Variants in ATRNL1 observed in about 807,000 individuals in gnomAD.
ATRNL1 encodes attractin-like protein 1.
Under a neutral mutation model 182.7 loss-of-function variants are expected in ATRNL1, and 95 were observed. That is an observed-to-expected ratio of 0.52 (90% CI 0.44 to 0.62). ATRNL1 has a LOEUF of 0.62. ATRNL1 is among the 20% of genes least tolerant of loss of function. The pLI is 0.00. For synonymous variants in ATRNL1, 576 were observed against 568.3 expected (o/e 1.01, Z -0.19); for missense variants, 1,471 against 1,679.5 (o/e 0.88, Z 2.17).
intron 27 of ATRNL1, among the ~76,000 whole-genome samples, chr10:115,731,825 C>T (rs1947807504): frequency 6.7e-6 from 1 of 149,450 alleles, no homozygotes; most frequent in Non-Finnish European, 1.5e-5. Flanking sequence ...CCCCCCACCC[C>T]ACACCCATCT....
chr10:115,232,507 A>G (rs1179603732), intron 9 of ATRNL1, among the ~76,000 whole-genome samples: 1 of 152,092 alleles, frequency 6.6e-6, no homozygotes, highest in African/African-American at 2.4e-5. Flanking sequence ...ATTGTGGATC[A>G]TCTTTTTACT....
chr10:115,254,166 G>A (rs1851011090), intron 10 of ATRNL1, among the ~76,000 whole-genome samples: 1 of 152,152 alleles, frequency 6.6e-6, no homozygotes, highest in South Asian at 2.1e-4. Context: ...TGGGATTGCT[G>A]GGTCAAATGG....
intron 26 of ATRNL1, among the ~76,000 whole-genome samples, chr10:115,697,717 A>T (rs1946608836): frequency 6.6e-6 from 1 of 152,098 alleles, no homozygotes; most frequent in African/African-American, 2.4e-5. Flanking sequence ...GACATGTATG[A>T]TATGCTATTT....
chr10:115,195,090 G>T (rs997943048), intron 8 of ATRNL1, among the ~76,000 whole-genome samples: 2 of 151,780 alleles, frequency 1.3e-5, no homozygotes, highest in Non-Finnish European at 2.9e-5. Flanking sequence ...TTTTAGTTTT[G>T]ATTGGTTTGT....
At chr10:115,533,890 C>T (rs1462289911) in intron 25 of ATRNL1, among the ~76,000 whole-genome samples, 3 of 150,438 alleles carry the variant, frequency 2.0e-5, no homozygotes, top group African/African-American at 7.3e-5. Context: ...GCAGGTTGTT[C>T]AGTTTCCATG....
intron 26 of ATRNL1, among the ~76,000 whole-genome samples, chr10:115,660,128 G>T (rs920071495): frequency 6.6e-6 from 1 of 152,106 alleles, no homozygotes; most frequent in African/African-American, 2.4e-5. Context: ...ATGATAGGGG[G>T]ACGAACCAAT....
chr10:115,850,576 A>G (rs1047026487), intron 28 of ATRNL1, among the ~76,000 whole-genome samples: 1 of 151,614 alleles, frequency 6.6e-6, no homozygotes, highest in Admixed American at 6.6e-5. Context: ...TCATTGCTGA[A>G]GTTTGGTTTA....
At chr10:115,252,281 C>A (rs1335472770) in intron 10 of ATRNL1, among the ~76,000 whole-genome samples, 1 of 152,150 alleles carries the variant, frequency 6.6e-6, no homozygotes, top group Admixed American at 6.5e-5. Flanking sequence ...CCCGCCTCGA[C>A]CTCCCAAAGT....
chr10:115,836,007 A>G (rs1226444733), intron 27 of ATRNL1, among the ~76,000 whole-genome samples: 1 of 152,190 alleles, frequency 6.6e-6, no homozygotes, highest in East Asian at 1.9e-4. Flanking sequence ...AACCTCCTGC[A>G]CACATGTCTC....
chr10:115,461,922 C>CT lies in ATRNL1; in HGVS notation c.3323-12dup, dbSNP rs35292161. On this transcript the variant is annotated intron_variant, in intron 21 of 28. Transcript: ENST00000355044. The stretch of plus-strand genomic sequence containing the variant: ...TTTTAAAGTACATATCAGGATTGTA[C>CT]TTTTTTTCCTCCCTACAGACAGCCT... The CT allele has an allele frequency of 1.9e-4, 295 of 1,579,986 alleles. No individual in the cohort carries two copies. The highest frequency in any genetic ancestry group is 8.0e-4 in the Admixed American group (46 of 57,500).
At chr10:115,514,237 A>AC (rs1565120795) in intron 24 of ATRNL1, among the ~76,000 whole-genome samples, 1 of 151,792 alleles carries the variant, frequency 6.6e-6, no homozygotes, top group Non-Finnish European at 1.5e-5. Context: ...GTGTCTCATC[A>AC]CCCCCAAGAA....
At chr10:115,232,150 G>T (rs1239678182) in intron 9 of ATRNL1, among the ~76,000 whole-genome samples, 1 of 152,080 alleles carries the variant, frequency 6.6e-6, no homozygotes, top group African/African-American at 2.4e-5. Flanking sequence ...ATAAATGCTT[G>T]TTCATGCTCT....
chr10:115,697,278 A>G (rs1485551091), intron 26 of ATRNL1, among the ~76,000 whole-genome samples: 2 of 152,152 alleles, frequency 1.3e-5, no homozygotes, highest in Non-Finnish European at 2.9e-5. Flanking sequence ...TAAAGAACCA[A>G]TGTATTCTGC....
At chr10:115,282,400 C>T (rs1564878197) in intron 14 of ATRNL1, among the ~76,000 whole-genome samples, 1 of 150,678 alleles carries the variant, frequency 6.6e-6, no homozygotes, top group Admixed American at 6.7e-5. Context: ...CAATGCTATC[C>T]CTCCCCCCTC....
At chr10:115,589,651 A>T (rs1021390944) in intron 26 of ATRNL1, among the ~76,000 whole-genome samples, 1 of 152,148 alleles carries the variant, frequency 6.6e-6, no homozygotes, top group Admixed American at 6.6e-5. Context: ...ATACATACTT[A>T]TGTCTGTCTT....
chr10:115,594,548 C>G (rs1415850062), intron 26 of ATRNL1, among the ~76,000 whole-genome samples: 1 of 152,126 alleles, frequency 6.6e-6, no homozygotes, highest in Non-Finnish European at 1.5e-5. Context: ...ACTCTTTCAC[C>G]CAGGCTGGAG....
intron 26 of ATRNL1, among the ~76,000 whole-genome samples, chr10:115,658,575 C>G (rs1309064891): frequency 6.6e-6 from 1 of 152,068 alleles, no homozygotes; most frequent in Non-Finnish European, 1.5e-5. Flanking sequence ...GCATTCTCCA[C>G]TGAAGGAGGG....
chr10:115,582,064 G>A (rs1855132370), intron 26 of ATRNL1, among the ~76,000 whole-genome samples: 2 of 151,950 alleles, frequency 1.3e-5, no homozygotes, highest in South Asian at 4.2e-4. Context: ...TCCCTACAAA[G>A]GACATGAACT....
intron 27 of ATRNL1, among the ~76,000 whole-genome samples, chr10:115,825,393 C>T (rs1185786269): frequency 6.6e-6 from 1 of 152,014 alleles, no homozygotes; most frequent in African/African-American, 2.4e-5. Context: ...CAAACCTGCA[C>T]GTTCTTCTGC....
Sources: gnomAD v4.1 joint callset for allele counts (sites outside exome capture counted in the v4.1 genomes callset) on GRCh38, gnomAD v4.1.1 for gene constraint, MANE v1.5 for transcripts, NCBI Gene and HGNC (gene_info 2026-07-23, HGNC 2026-07-21) for gene names.